Variants in TRPM7 observed in about 807,000 individuals in gnomAD.
TRPM7 encodes the protein LTRPC ion channel family member 7.
A neutral mutation model predicts 229.7 loss-of-function variants in TRPM7; 134 were observed. The ratio of observed to expected loss-of-function variants is 0.58; its 90% CI spans 0.51 to 0.67. The LOEUF (loss-of-function observed/expected upper bound fraction) is 0.67, where lower values mean the gene tolerates loss of function less well. TRPM7 is among the 30% of genes least tolerant of loss of function. The pLI, the probability that TRPM7 is intolerant of heterozygous loss-of-function variation, is 0.00. For missense variants in TRPM7, 1,901 were observed against 2,210.0 expected, an observed-to-expected ratio of 0.86 and a Z score of 2.80; for synonymous variants, 699 against 715.2, an observed-to-expected ratio of 0.98 and a Z score of 0.36.
chr15:50,651,384 G>A lies in TRPM7; in HGVS notation c.123-2499C>T, dbSNP rs182503993. Among the ~76,000 whole-genome samples the A allele has an allele frequency of 6.7e-3, 1,021 of 152,250 alleles. 16 individuals are homozygous for A. Among genetic ancestry groups the A allele is most frequent in the African/African-American group, 0.024 (979 of 41,540 alleles). On this transcript the variant is annotated intron_variant, in intron 3 of 38. Coordinates refer to ENST00000646667, the MANE Select transcript of TRPM7 (RefSeq NM_017672.6). ...CTTGACGCCGGGTGTGGTGGCTCAC[G>A]CCTGTAATCCCAGCACTTTGGGAAG... is the stretch of plus-strand genomic sequence containing the variant.
At chr15:50,640,349 T>G (rs2061057856) in intron 5 of TRPM7, among the ~76,000 whole-genome samples, 1 of 151,932 alleles carries the variant, frequency 6.6e-6, no homozygotes, top group Admixed American at 6.6e-5. Flanking sequence ...ATGGCTTAGC[T>G]CACTGCAGCC....
Position 50,632,902 on chromosome 15 carries a change from T to A in TRPM7, c.1098A>T (p.Gln366His). The A allele has an allele frequency of 6.3e-7, 1 of 1,591,258 alleles. No individual in the cohort carries two copies. The highest frequency in any genetic ancestry group is 8.5e-7 in the Non-Finnish European group (1 of 1,171,312). ...TTCTTTTCATGCACTCCATCAGTGT[T>A]TGAAATAAATGAAGTGCTTCATTCT... The part of the protein sequence containing the change: ...FGQNEALHLF[Q>H]TLMECMKRKE... The change falls in exon 9 of 39, where the codon CAA (glutamine) becomes CAT (histidine). Residue 366 changes from glutamine to histidine, a missense_variant. Transcript: ENST00000646667.
At chr15:50,583,554 A>G (rs1160971747) in intron 28 of TRPM7, among the ~76,000 whole-genome samples, 1 of 148,834 alleles carries the variant, frequency 6.7e-6, no homozygotes, top group Non-Finnish European at 1.5e-5. Flanking sequence ...GGGTTTTGTT[A>G]TTTTAAACTT....
intron 1 of TRPM7, among the ~76,000 whole-genome samples, chr15:50,679,183 T>C (rs2062172550): frequency 7.4e-6 from 1 of 135,212 alleles, no homozygotes; most frequent in Admixed American, 7.4e-5. Flanking sequence ...AAAAAATTTT[T>C]TAATTAGCCA....
intron 1 of TRPM7, among the ~76,000 whole-genome samples, chr15:50,670,795 T>TA (rs1291070168): frequency 2.4e-4 from 25 of 102,890 alleles, no homozygotes; most frequent in East Asian, 2.4e-4. Context: ...CACTTTACTG[T>TA]AAAAAAAAGA....
chr15:50,604,717 C>T (rs1164733373), intron 21 of TRPM7, 149 bp downstream of exon 21: 1 of 753,252 alleles, frequency 1.3e-6, no homozygotes, highest in Non-Finnish European at 2.1e-6. Flanking sequence ...ATGAGAAACT[C>T]TTAAGGAATG....
At chr15:50,667,230 A>C (rs1263116444) in intron 1 of TRPM7, among the ~76,000 whole-genome samples, 1 of 152,164 alleles carries the variant, frequency 6.6e-6, no homozygotes, top group Non-Finnish European at 1.5e-5. Flanking sequence ...GTGCCTGATT[A>C]CTAGGCCCTA....
chr15:50,603,673 T>C (rs1276015666), intron 21 of TRPM7, among the ~76,000 whole-genome samples: 1 of 152,150 alleles, frequency 6.6e-6, no homozygotes, highest in Non-Finnish European at 1.5e-5. Flanking sequence ...CAGTATTCCA[T>C]GGTGTATACG....
intron 2 of TRPM7, among the ~76,000 whole-genome samples, chr15:50,660,350 C>T (rs2061692382): frequency 6.6e-6 from 1 of 151,900 alleles, no homozygotes; most frequent in African/African-American, 2.4e-5. Flanking sequence ...AAAATATATA[C>T]TATTATAATT....
At chr15:50,573,988 C>A (rs1318095782) in intron 36 of TRPM7, among the ~76,000 whole-genome samples, 1 of 146,978 alleles carries the variant, frequency 6.8e-6, no homozygotes, top group East Asian at 2.1e-4. Context: ...ATCCGGGAGG[C>A]GGAAGTTGCA....
chr15:50,575,663 T>C, intron 33 of TRPM7, 61 bp downstream of exon 33: 13 of 1,404,480 alleles, frequency 9.3e-6, no homozygotes, highest in East Asian at 4.7e-5. Context: ...TTCTATATTA[T>C]AGCTAAAAAT....
At chr15:50,677,912 T>C (rs2062132664) in intron 1 of TRPM7, among the ~76,000 whole-genome samples, 1 of 151,712 alleles carries the variant, frequency 6.6e-6, no homozygotes, top group South Asian at 2.1e-4. Context: ...ATAAAGTTCA[T>C]GTGCTCAAGA....
chr15:50,588,459 T>C (rs141103644), intron 27 of TRPM7, among the ~76,000 whole-genome samples: 2 of 152,308 alleles, frequency 1.3e-5, no homozygotes, highest in East Asian at 3.9e-4. Context: ...TACAAAATGT[T>C]ACAATATAAA....
chr15:50,683,585 T>C (rs939769728), intron 1 of TRPM7, among the ~76,000 whole-genome samples: 6 of 151,820 alleles, frequency 4.0e-5, no homozygotes, highest in African/African-American at 1.5e-4. Flanking sequence ...AATACAAAAA[T>C]TAGCCGGGTG....
At chr15:50,593,548 TG>T (rs1470834992) in intron 25 of TRPM7, 68 bp downstream of exon 25, 8 of 1,459,902 alleles carry the variant, frequency 5.5e-6, no homozygotes, top group Non-Finnish European at 6.6e-6. Flanking sequence ...ACAATGACCA[TG>T]TATAAGAAAT....
At position 50,601,049 on chromosome 15, in the gene TRPM7, A is replaced by G. The variant is rs145286178; in HGVS notation, c.2989-1753T>C. On this transcript the variant is annotated intron_variant, in intron 21 of 38. Transcript: ENST00000646667. ...AATATTGCAAAACAAAAAGTATATT[A>G]AAAGATTTTAAAAGGCAAAAAAAGT... Among the ~76,000 whole-genome samples, 1,202 of 152,358 alleles carry G rather than the reference A, an allele frequency of 7.9e-3. 13 individuals carry two copies. The highest frequency in any genetic ancestry group is 0.028 in the African/African-American group (1,155 of 41,572).
intron 1 of TRPM7, among the ~76,000 whole-genome samples, chr15:50,678,506 TAAAAA>T (rs10553093): frequency 1.2e-4 from 15 of 128,736 alleles, no homozygotes; most frequent in African/African-American, 4.5e-4. Context: ...TTCCATTCTT[TAAAAA>T]AAAAAAATAT....
chr15:50,663,581 T>C (rs1265676177), intron 1 of TRPM7, among the ~76,000 whole-genome samples: 1 of 152,114 alleles, frequency 6.6e-6, no homozygotes, highest in African/African-American at 2.4e-5. Flanking sequence ...TTGCTTCAAA[T>C]AGTCAAACAG....
At chr15:50,623,073 A>G (rs1364654384) in intron 12 of TRPM7, among the ~76,000 whole-genome samples, 1 of 152,210 alleles carries the variant, frequency 6.6e-6, no homozygotes, top group Non-Finnish European at 1.5e-5. Flanking sequence ...AGTTGGAAGC[A>G]AAACAGACCA....
Sources: allele counts gnomAD v4.1 joint callset (sites outside exome capture counted in the v4.1 genomes callset), GRCh38; gene constraint gnomAD v4.1.1; transcripts MANE v1.5; gene names NCBI Gene and HGNC (gene_info 2026-07-23, HGNC 2026-07-21).